Variants in TMEFF2 observed in about 807,000 individuals in gnomAD.
TMEFF2 encodes the protein tomoregulin-2.
In TMEFF2, 28 loss-of-function variants were observed where a neutral mutation model predicts 53.8. The ratio of observed to expected loss-of-function variants is 0.52; its 90% CI spans 0.39 to 0.71. The LOEUF is 0.71. Among genes scored for constraint, TMEFF2 ranks in the 30% least tolerant of loss-of-function variants. TMEFF2 has a pLI of 0.00. For synonymous variants in TMEFF2, 162 were observed against 166.3 expected (o/e 0.97, Z 0.20); for missense variants, 353 against 455.2 (o/e 0.78, Z 2.04).
intron 8 of TMEFF2, 117 bp from the exon 9 acceptor site, chr2:191,953,954 T>G: frequency 1.1e-6 from 1 of 885,032 alleles, no homozygotes; most frequent in Non-Finnish European, 1.6e-6. Context: ...CAGTGGCGCA[T>G]CTCGGCTCAC....
chr2:192,099,044 A>G (rs546316065), intron 4 of TMEFF2, among the ~76,000 whole-genome samples: 1 of 152,226 alleles, frequency 6.6e-6, no homozygotes, highest in East Asian at 1.9e-4. Flanking sequence ...TTCTCCAAAG[A>G]CAGCCAGGTA....
chr2:192,194,287 G>T lies in TMEFF2; in HGVS notation c.172+66C>A, dbSNP rs977346181. On this transcript the variant is annotated intron_variant, in intron 1 of 9. Transcript: ENST00000272771. The surrounding 1 kb of genome is among the most constrained non-coding windows in gnomAD (Gnocchi z 4.2). ...TGAGGAGGCGCGCTAGGGTAGGCTG[G>T]TCTGTGCTGGATACGCGTGTTCTTC... 165 of 1,581,872 alleles carry T rather than the reference G, an allele frequency of 1.0e-4. No individual in the cohort carries two copies. The highest frequency in any genetic ancestry group is 1.3e-4 in the Non-Finnish European group (155 of 1,158,010).
At chr2:192,157,912 C>A (rs1168044531) in intron 4 of TMEFF2, among the ~76,000 whole-genome samples, 1 of 152,086 alleles carries the variant, frequency 6.6e-6, no homozygotes, top group Non-Finnish European at 1.5e-5. Context: ...CTGTTCCGCA[C>A]TTCCATGTCT....
At chr2:192,167,475 C>CT (rs1559154547) in intron 4 of TMEFF2, among the ~76,000 whole-genome samples, 2 of 152,126 alleles carry the variant, frequency 1.3e-5, no homozygotes, top group African/African-American at 4.8e-5. Context: ...AAAATTCCAT[C>CT]TTTTTTTCCC....
intron 2 of TMEFF2, among the ~76,000 whole-genome samples, chr2:192,185,173 T>C (rs894067675): frequency 1.3e-5 from 2 of 152,046 alleles, no homozygotes; most frequent in African/African-American, 4.8e-5. Flanking sequence ...TATTAATAGA[T>C]ATTCCATAAA....
At chr2:192,175,663 G>A (rs947891029) in intron 4 of TMEFF2, among the ~76,000 whole-genome samples, 2 of 151,244 alleles carry the variant, frequency 1.3e-5, no homozygotes, top group Admixed American at 6.6e-5. Flanking sequence ...TTTATCTCAT[G>A]AAATAAAAAT....
intron 5 of TMEFF2, chr2:192,032,142 G>A (rs140438206): frequency 1.1e-4 from 17 of 152,270 alleles, no homozygotes; most frequent in African/African-American, 3.8e-4. Context: ...TAGGAAAGAT[G>A]ATACTTTTCT....
rs1691823169 is a variant in TMEFF2, at chr2:191,950,058, A to G, written c.*253T>C. The stretch of plus-strand genomic sequence containing the variant: ...AGTATTTATTATATATAACAAATAC[A>G]TGGGAAAGAAAAAACTATATTGTGT... On this transcript the variant is annotated 3_prime_UTR_variant, in exon 10 of 10. Coordinates refer to ENST00000272771, the MANE Select transcript of TMEFF2 (RefSeq NM_016192.4). 2 of 1,199,678 alleles carry G rather than the reference A, an allele frequency of 1.7e-6. No individual in the cohort carries two copies. Among genetic ancestry groups the G allele is most frequent in the African/African-American group, 3.1e-5 (2 of 64,074 alleles). 74.3% of individuals were successfully genotyped at this position (1,199,678 alleles called of 1,614,324 possible).
At chr2:192,112,059 A>C (rs1689292482) in intron 4 of TMEFF2, among the ~76,000 whole-genome samples, 1 of 152,192 alleles carries the variant, frequency 6.6e-6, no homozygotes, top group Non-Finnish European at 1.5e-5. Flanking sequence ...CTGCTAGAGC[A>C]GCGCAGAAGA....
At chr2:192,013,974 G>C (rs2105852626) in intron 5 of TMEFF2, among the ~76,000 whole-genome samples, 1 of 152,294 alleles carries the variant, frequency 6.6e-6, no homozygotes, top group African/African-American at 2.4e-5. Context: ...ATAAAGTTTA[G>C]ATTCAAATTA....
chr2:192,108,788 AAAC>A (rs1297286496), intron 4 of TMEFF2, among the ~76,000 whole-genome samples: 3 of 152,192 alleles, frequency 2.0e-5, no homozygotes, highest in East Asian at 3.9e-4. Context: ...CAAAAGGCAG[AAAC>A]AACACAAGTG....
At chr2:192,090,232 A>T (rs1688760881) in intron 4 of TMEFF2, among the ~76,000 whole-genome samples, 1 of 152,156 alleles carries the variant, frequency 6.6e-6, no homozygotes, top group African/African-American at 2.4e-5. Flanking sequence ...GCTATCATAT[A>T]AAAAGTAAAC....
chr2:192,075,305 ATATATATATATAT>A (rs1688393254), intron 4 of TMEFF2, among the ~76,000 whole-genome samples: 1 of 27,958 alleles, frequency 3.6e-5, no homozygotes, highest in Non-Finnish European at 1.1e-4. Context: ...ATATATATAT[ATATATATATATAT>A]ATATATATAT....
At chr2:192,005,600 G>A (rs568164914) in intron 5 of TMEFF2, among the ~76,000 whole-genome samples, 11 of 152,192 alleles carry the variant, frequency 7.2e-5, no homozygotes, top group Admixed American at 3.9e-4. Flanking sequence ...CAACTATACC[G>A]CAGTGAGGCT....
At chr2:192,048,054 A>T (rs943971583) in intron 5 of TMEFF2, among the ~76,000 whole-genome samples, 3 of 152,182 alleles carry the variant, frequency 2.0e-5, no homozygotes, top group African/African-American at 7.2e-5. Context: ...ATACTGTCTA[A>T]TCTCTTGGAG....
At chr2:192,161,443 T>A (rs1008276181) in intron 4 of TMEFF2, among the ~76,000 whole-genome samples, 4 of 152,068 alleles carry the variant, frequency 2.6e-5, no homozygotes, top group Non-Finnish European at 4.4e-5. Context: ...ATGAGCCACC[T>A]CACCGGCCTG....
intron 5 of TMEFF2, among the ~76,000 whole-genome samples, chr2:192,041,500 T>C (rs1456161816): frequency 1.3e-5 from 2 of 152,148 alleles, no homozygotes; most frequent in African/African-American, 4.8e-5. Flanking sequence ...GTGTGGACAC[T>C]CATACGCTGC....
At chr2:191,992,653 A>C (rs1686134168) in intron 7 of TMEFF2, 1 of 152,046 alleles carries the variant, frequency 6.6e-6, no homozygotes, top group South Asian at 2.1e-4. Context: ...TATGGCTAAA[A>C]ATTTTTACTT....
chr2:192,103,396 AC>A (rs1291183964), intron 4 of TMEFF2, among the ~76,000 whole-genome samples: 4 of 151,848 alleles, frequency 2.6e-5, no homozygotes, highest in African/African-American at 7.3e-5. Flanking sequence ...CTGGATATGG[AC>A]CTTTTAGTTT....
Sources: gnomAD v4.1 joint callset for allele counts (sites outside exome capture counted in the v4.1 genomes callset) on GRCh38, gnomAD v4.1.1 for gene constraint, Gnocchi (gnomAD v3.1) non-coding constraint, MANE v1.5 for transcripts, NCBI Gene and HGNC (gene_info 2026-07-23, HGNC 2026-07-21) for gene names.